The following SND1 variants were observed in gnomAD, a reference collection of about 807,000 sequenced individuals.
SND1 encodes staphylococcal nuclease domain-containing protein 1.
In SND1, 38 loss-of-function variants were observed where a neutral mutation model predicts 121.7. The observed-to-expected ratio is 0.31, with a 90% CI of 0.24 to 0.41. The LOEUF (loss-of-function observed/expected upper bound fraction) is 0.41, where lower values mean the gene tolerates loss of function less well. Among genes scored for constraint, SND1 ranks in the 10% least tolerant of loss-of-function variants. SND1 has a pLI of 1.00. For synonymous variants in SND1, 401 were observed against 447.4 expected (o/e 0.90, Z 1.31); for missense variants, 868 against 1,184.6 (o/e 0.73, Z 3.92).
At chr7:127,961,912 C>T (rs1422600923) in intron 15 of SND1, among the ~76,000 whole-genome samples, 3 of 152,230 alleles carry the variant, frequency 2.0e-5, no homozygotes, top group Non-Finnish European at 4.4e-5. Context: ...CGAAGCGCCT[C>T]TTATCATTAC....
chr7:127,920,919 A>T (rs1342357765), intron 14 of SND1, among the ~76,000 whole-genome samples: 3 of 151,674 alleles, frequency 2.0e-5, no homozygotes, highest in African/African-American at 7.3e-5. Context: ...TCTGTCGATG[A>T]TAAAATGCAG....
intron 12 of SND1, among the ~76,000 whole-genome samples, chr7:127,844,750 A>G (rs560426225): frequency 3.9e-5 from 6 of 152,352 alleles, no homozygotes; most frequent in African/African-American, 1.4e-4. Flanking sequence ...TGGTCTCTGC[A>G]TATTGGTTTA....
At chr7:127,702,761 G>A (rs746148889) in intron 6 of SND1, among the ~76,000 whole-genome samples, 19 of 152,260 alleles carry the variant, frequency 1.2e-4, no homozygotes, top group African/African-American at 2.9e-4. Context: ...GGGTTGTTAA[G>A]TATGTAAACC....
intron 1 of SND1, among the ~76,000 whole-genome samples, chr7:127,656,651 A>T (rs965762446): frequency 1.3e-5 from 2 of 152,208 alleles, no homozygotes; most frequent in Non-Finnish European, 2.9e-5. Flanking sequence ...CAGTGGGGAC[A>T]GAGAAGTTTG....
At chr7:127,748,122 A>G (rs1797013581) in intron 10 of SND1, among the ~76,000 whole-genome samples, 1 of 152,172 alleles carries the variant, frequency 6.6e-6, no homozygotes, top group Non-Finnish European at 1.5e-5. Flanking sequence ...AAAATAGGAT[A>G]TTGAAGTGAG....
intron 12 of SND1, among the ~76,000 whole-genome samples, chr7:127,847,405 A>G (rs930863242): frequency 6.6e-6 from 1 of 152,254 alleles, no homozygotes; most frequent in African/African-American, 2.4e-5. Flanking sequence ...ATCTTACTTA[A>G]TGGTGATTTA....
intron 14 of SND1, among the ~76,000 whole-genome samples, chr7:127,908,216 GC>G (rs768086451): frequency 2.0e-4 from 30 of 152,086 alleles, no homozygotes; most frequent in Non-Finnish European, 3.8e-4. Flanking sequence ...ACTTTGGGAG[GC>G]CGAGGTGGGA....
chr7:127,910,732 A>G (rs1160760712), intron 14 of SND1, among the ~76,000 whole-genome samples: 1 of 151,882 alleles, frequency 6.6e-6, no homozygotes, highest in East Asian at 1.9e-4. Flanking sequence ...TCCCTTTTTT[A>G]CCCCACTTGG....
chr7:127,788,187 A>T (rs1372035659), intron 10 of SND1, among the ~76,000 whole-genome samples: 2 of 152,168 alleles, frequency 1.3e-5, no homozygotes, highest in African/African-American at 4.8e-5. Context: ...CTCTTTTTTT[A>T]AACAGAGAAG....
chr7:127,758,328 T>TA (rs1169168348), intron 10 of SND1, among the ~76,000 whole-genome samples: 3 of 152,216 alleles, frequency 2.0e-5, no homozygotes, highest in Admixed American at 2.0e-4. Flanking sequence ...ATTATGTCCT[T>TA]ATGTCATTCA....
chr7:127,951,940 G>C (rs778204435), intron 15 of SND1, among the ~76,000 whole-genome samples: 1 of 152,154 alleles, frequency 6.6e-6, no homozygotes, highest in African/African-American at 2.4e-5. Flanking sequence ...CATAAAAAGA[G>C]GTAGCTCCTA....
At chr7:127,926,558 T>TC (rs1800840195) in intron 14 of SND1, among the ~76,000 whole-genome samples, 1 of 139,652 alleles carries the variant, frequency 7.2e-6, no homozygotes, top group Admixed American at 7.1e-5. Context: ...TCTTTTTTTT[T>TC]TTTTTTTTTT....
At chr7:128,080,552 G>C (rs1793581191) in intron 17 of SND1, among the ~76,000 whole-genome samples, 1 of 152,242 alleles carries the variant, frequency 6.6e-6, no homozygotes, top group Non-Finnish European at 1.5e-5. Context: ...GGAGCACCAG[G>C]AGCCCTGTGA....
chr7:127,990,636 G>T (rs1272897315), intron 15 of SND1, among the ~76,000 whole-genome samples: 1 of 152,192 alleles, frequency 6.6e-6, no homozygotes, highest in African/African-American at 2.4e-5. Flanking sequence ...AGTTGGAGCA[G>T]TGCAGGATGA....
intron 16 of SND1, chr7:127,997,524 G>A (rs1802694131): frequency 2.9e-6 from 1 of 339,280 alleles, no homozygotes; most frequent in Admixed American, 4.0e-5. Flanking sequence ...ATTTTTGTGG[G>A]CCTTACTTTT....
intron 1 of SND1, among the ~76,000 whole-genome samples, chr7:127,659,054 T>C (rs1001210900): frequency 1.3e-5 from 2 of 152,226 alleles, no homozygotes; most frequent in African/African-American, 4.8e-5. Flanking sequence ...TTTTGTGCAT[T>C]ATCAGGGAAA....
At chr7:127,786,029 T>A (rs1477267362) in intron 10 of SND1, among the ~76,000 whole-genome samples, 3 of 152,088 alleles carry the variant, frequency 2.0e-5, no homozygotes, top group Non-Finnish European at 1.5e-5. Context: ...CTAAAAAAAA[T>A]TTGAGGGACA....
intron 1 of SND1, 43 bp from the exon 2 acceptor site, chr7:127,686,570 C>T (rs374865819): frequency 1.4e-5 from 22 of 1,586,720 alleles, no homozygotes; most frequent in African/African-American, 5.4e-5. Context: ...TATGGTGATA[C>T]GGCCTCTGGA....
chr7:127,895,727 G>C (rs1800106358), intron 13 of SND1, among the ~76,000 whole-genome samples: 2 of 152,118 alleles, frequency 1.3e-5, no homozygotes, highest in South Asian at 4.1e-4. Flanking sequence ...CTTCAGAAAA[G>C]ATGATGCACT....
Sources: gnomAD v4.1 joint callset for allele counts (sites outside exome capture counted in the v4.1 genomes callset) on GRCh38, gnomAD v4.1.1 for gene constraint, MANE v1.5 for transcripts, NCBI Gene and HGNC (gene_info 2026-07-23, HGNC 2026-07-21) for gene names.